NT5DC1: variants seen among roughly 807,000 people sequenced by gnomAD.
The protein encoded by NT5DC1 is 5'-nucleotidase domain containing 1, also known as 5'-nucleotidase domain-containing protein 1.
NT5DC1 carries 42 observed loss-of-function variants against 59.4 expected under a neutral mutation model. That is an observed-to-expected ratio of 0.71 (90% CI 0.55 to 0.92). NT5DC1 has a LOEUF of 0.92. Among genes scored for constraint, NT5DC1 ranks in the 40% least tolerant of loss-of-function variants. The pLI is 0.00. For missense variants in NT5DC1, 501 were observed against 537.1 expected (o/e 0.93, Z 0.66); for synonymous variants, 172 against 188.1 (o/e 0.91, Z 0.70).
intron 6 of NT5DC1, among the ~76,000 whole-genome samples, chr6:116,118,306 G>A (rs931091390): frequency 3.3e-5 from 5 of 152,174 alleles, no homozygotes; most frequent in Non-Finnish European, 7.4e-5. Flanking sequence ...TGGGCAAAAT[G>A]TCTGCCGGCA....
intron 4 of NT5DC1, among the ~76,000 whole-genome samples, chr6:116,113,465 T>A (rs1267504518): frequency 6.6e-6 from 1 of 152,202 alleles, no homozygotes; most frequent in Non-Finnish European, 1.5e-5. Flanking sequence ...GGCTCACTAA[T>A]CACTTCATTA....
At chr6:116,138,142 A>G (rs1431147493) in intron 6 of NT5DC1, among the ~76,000 whole-genome samples, 1 of 152,110 alleles carries the variant, frequency 6.6e-6, no homozygotes, top group Admixed American at 6.6e-5. Context: ...TATGTGCTAG[A>G]TCTAATTCTA....
chr6:116,223,774 C>G (rs1447208014), intron 8 of NT5DC1, among the ~76,000 whole-genome samples: 1 of 152,106 alleles, frequency 6.6e-6, no homozygotes, highest in Non-Finnish European at 1.5e-5. Flanking sequence ...TAAGTAGTTT[C>G]AAATAAGCTC....
intron 1 of NT5DC1, 81 bp from the exon 2 acceptor site, chr6:116,106,163 C>A: frequency 1.3e-6 from 1 of 789,590 alleles, no homozygotes; most frequent in Non-Finnish European, 2.3e-6. Flanking sequence ...ATCAGCAATT[C>A]CATTAGGGTT....
intron 6 of NT5DC1, among the ~76,000 whole-genome samples, chr6:116,215,664 G>A (rs1402233212): frequency 6.6e-6 from 1 of 152,062 alleles, no homozygotes; most frequent in African/African-American, 2.4e-5. Context: ...TAACCATGTC[G>A]GAAAGAGGAA....
chr6:116,153,827 C>T (rs1159398149), intron 6 of NT5DC1, among the ~76,000 whole-genome samples: 1 of 151,996 alleles, frequency 6.6e-6, no homozygotes, highest in African/African-American at 2.4e-5. Flanking sequence ...TGTTTCCTTA[C>T]CTTCTCTGTG....
chr6:116,233,444 A>C (rs1285684284), intron 8 of NT5DC1, among the ~76,000 whole-genome samples: 1 of 152,214 alleles, frequency 6.6e-6, no homozygotes, highest in African/African-American at 2.4e-5. Context: ...AGGTTGGCTG[A>C]GGCTCCATCC....
chr6:116,227,898 A>G (rs1781941283), intron 8 of NT5DC1, among the ~76,000 whole-genome samples: 1 of 152,090 alleles, frequency 6.6e-6, no homozygotes, highest in Non-Finnish European at 1.5e-5. Flanking sequence ...ATTTTCTACC[A>G]TTCTACAGAT....
chr6:116,199,998 GT>G (rs71553740), intron 6 of NT5DC1, among the ~76,000 whole-genome samples: 30,372 of 113,346 alleles, frequency 0.27, 3,961 homozygotes, highest in Middle Eastern at 0.39. Context: ...AGTATGGAAA[GT>G]GGGGGGGGAA....
At chr6:116,227,672 G>T (rs776324668) in intron 8 of NT5DC1, among the ~76,000 whole-genome samples, 1 of 152,092 alleles carries the variant, frequency 6.6e-6, no homozygotes, top group Non-Finnish European at 1.5e-5. Flanking sequence ...GGTATGAGGT[G>T]ATATCTCATT....
intron 6 of NT5DC1, among the ~76,000 whole-genome samples, chr6:116,163,126 C>CAAAAAA (rs71272373): frequency 0.11 from 8,979 of 82,800 alleles, 445 homozygotes; most frequent in East Asian, 0.16. Context: ...GACTCCGTCT[C>CAAAAAA]AAAAAAAAAA....
intron 8 of NT5DC1, among the ~76,000 whole-genome samples, chr6:116,228,364 C>G (rs541723659): frequency 1.3e-5 from 2 of 152,126 alleles, no homozygotes; most frequent in African/African-American, 4.8e-5. Context: ...TAAAATCAGG[C>G]GGGCATGGTG....
Position 116,223,910 on chromosome 6 carries a change from G to C in NT5DC1, c.802+779G>C, listed in dbSNP as rs188901765. On this transcript the variant is annotated intron_variant, in intron 8 of 11. Transcript: ENST00000319550. ...TGCAAATGCACATAAATGTATAAAA[G>C]ATTATTAACAAATAAAATTTATAGA... Among the ~76,000 whole-genome samples, 278 of 152,198 alleles carry C rather than the reference G, an allele frequency of 1.8e-3. 4 individuals are homozygous for C. Among genetic ancestry groups the C allele is most frequent in the African/African-American group, 6.3e-3 (263 of 41,548 alleles).
chr6:116,116,532 C>G (rs1347231141), intron 5 of NT5DC1, among the ~76,000 whole-genome samples: 1 of 152,098 alleles, frequency 6.6e-6, no homozygotes, highest in Non-Finnish European at 1.5e-5. Context: ...GTCCCAGCTA[C>G]TAGGGAGGCT....
chr6:116,101,308 G>C (rs1388242417), intron 1 of NT5DC1, among the ~76,000 whole-genome samples: 1 of 152,186 alleles, frequency 6.6e-6, no homozygotes. Context: ...CTGGGGAATC[G>C]GTGATTTCTA....
chr6:116,227,994 G>A (rs1781943005), intron 8 of NT5DC1, among the ~76,000 whole-genome samples: 1 of 151,992 alleles, frequency 6.6e-6, no homozygotes, highest in African/African-American at 2.4e-5. Flanking sequence ...TGCTTTTGTT[G>A]TCTGTGCATT....
At chr6:116,103,563 G>C (rs1778705764) in intron 1 of NT5DC1, among the ~76,000 whole-genome samples, 1 of 152,054 alleles carries the variant, frequency 6.6e-6, no homozygotes, top group African/African-American at 2.4e-5. Context: ...AGAACCTCGA[G>C]GTGAGCAACA....
In NT5DC1 at chr6:116,172,396, G is replaced by A. The variant is rs138501240; in HGVS notation, c.530-48658G>A. ...GAGTGCAGTGCCACAATCTTGGCTC[G>A]CTGCAACCTCTACCTCCCGGGTTCA... On this transcript the variant is annotated intron_variant, in intron 6 of 11. Coordinates refer to ENST00000319550, the MANE Select transcript of NT5DC1 (RefSeq NM_152729.3). Among the ~76,000 whole-genome samples, 851 of 140,630 alleles carry A rather than the reference G, an allele frequency of 6.1e-3. 16 individuals are homozygous for A. The highest frequency in any genetic ancestry group is 0.048 in the South Asian group (216 of 4,540). The allele number at this position is 140,630 out of a possible 152,430, so 92.3% of individuals were successfully genotyped here.
chr6:116,121,343 C>G (rs144479322), intron 6 of NT5DC1: 1 of 1,613,966 alleles, frequency 6.2e-7, no homozygotes, highest in South Asian at 1.1e-5. Flanking sequence ...TTCTGGCCCT[C>G]GTTCCCCAGG....
Sources: gnomAD v4.1 joint callset for allele counts (sites outside exome capture counted in the v4.1 genomes callset) on GRCh38, gnomAD v4.1.1 for gene constraint, MANE v1.5 for transcripts, NCBI Gene and HGNC (gene_info 2026-07-23, HGNC 2026-07-21) for gene names.